Variants in FBRSL1 observed in about 807,000 individuals in gnomAD.
FBRSL1 encodes the protein fibrosin like 1.
Under a neutral mutation model 89.6 loss-of-function variants are expected in FBRSL1, and 51 were observed. The ratio of observed to expected loss-of-function variants is 0.57; its 90% CI spans 0.45 to 0.72. FBRSL1 has a LOEUF of 0.72. FBRSL1 is among the 30% of genes least tolerant of loss of function. The pLI, the probability that FBRSL1 is intolerant of heterozygous loss-of-function variation, is 0.00. For missense variants in FBRSL1, 1,618 were observed against 1,451.8 expected, an observed-to-expected ratio of 1.11 and a Z score of -1.86; for synonymous variants, 779 against 681.1, an observed-to-expected ratio of 1.14 and a Z score of -2.24.
intron 5 of FBRSL1, among the ~76,000 whole-genome samples, chr12:132,562,309 A>G (rs925887222): frequency 6.6e-6 from 1 of 151,378 alleles, no homozygotes; most frequent in Non-Finnish European, 1.5e-5. Flanking sequence ...GTAACAAGCC[A>G]GGATTCTAGG....
chr12:132,566,326 C>G (rs905894908), intron 5 of FBRSL1: 11 of 151,350 alleles, frequency 7.3e-5, no homozygotes, highest in African/African-American at 2.4e-4. Context: ...CTGATCCCAT[C>G]ACCTGGGGGT....
intron 5 of FBRSL1, chr12:132,551,663 G>T: frequency 2.3e-6 from 1 of 443,914 alleles, no homozygotes; most frequent in South Asian, 1.6e-5. Flanking sequence ...CCTCCTCCAC[G>T]TGAACAGACT....
chr12:132,572,452 G>T (rs2040096079), intron 10 of FBRSL1, 75 bp from the exon 11 acceptor site: 11 of 1,494,216 alleles, frequency 7.4e-6, no homozygotes, highest in Non-Finnish European at 7.3e-6. Flanking sequence ...CTGCATTGGT[G>T]CCACCTTCTG....
At chr12:132,518,691 C>G (rs963635739) in intron 2 of FBRSL1, among the ~76,000 whole-genome samples, 1 of 151,334 alleles carries the variant, frequency 6.6e-6, no homozygotes, top group Non-Finnish European at 1.5e-5. Context: ...TCCTTCCATC[C>G]ACCCATCTGT....
chr12:132,492,652 G>A lies in FBRSL1; in HGVS notation c.291+1791G>A, dbSNP rs142567773. ...TGTCCACCTGCTCTGGCAGGGTCAC[G>A]TGCCCCCAGCCTGCAGGCAGTGGGT... On this transcript the variant is annotated intron_variant, in intron 1 of 18. Transcript: ENST00000680143. 2.6e-3 allele frequency among the ~76,000 whole-genome samples: 397 copies of A among 152,370 alleles called. 1 individual carries two copies. The highest frequency in any genetic ancestry group is 9.2e-3 in the African/African-American group (383 of 41,588).
rs926947244 is a variant in FBRSL1 at position 132,583,227 on chromosome 12, G to C, written c.2458G>C (p.Glu820Gln). Residue 820 changes from glutamate to glutamine, a missense_variant, in exon 19 of 19, where the codon GAG (glutamate) becomes CAG (glutamine). Coordinates refer to ENST00000680143, the MANE Select transcript of FBRSL1 (RefSeq NM_001367871.1). ...GDVKVKEERG[E>Q]DEASEPPAGG... ...CGTGAAGGTCAAGGAGGAGCGCGGG[G>C]AGGACGAGGCCTCCGAGCCCCCGGC... 5.1e-5 allele frequency: 72 copies of C among 1,402,292 alleles called. No individual in the cohort carries two copies. In the African/African-American group the frequency reaches 9.4e-4, roughly 18 times the overall value. 86.9% of individuals were successfully genotyped at this position (1,402,292 alleles called of 1,614,324 possible).
intron 4 of FBRSL1, among the ~76,000 whole-genome samples, chr12:132,543,856 A>G (rs1166248056): frequency 6.6e-6 from 1 of 152,202 alleles, no homozygotes; most frequent in Non-Finnish European, 1.5e-5. Context: ...TCTCACACCC[A>G]GCCCGGGATG....
chr12:132,563,847 G>A (rs79829734), intron 5 of FBRSL1, among the ~76,000 whole-genome samples: 644 of 28,102 alleles, frequency 0.023, 6 homozygotes, highest in Admixed American at 0.029. Context: ...GCACCCCTCC[G>A]GCTGACACAT....
chr12:132,533,776 G>A (rs898082372), intron 4 of FBRSL1, among the ~76,000 whole-genome samples: 1 of 152,254 alleles, frequency 6.6e-6, no homozygotes. Flanking sequence ...GGGTTGTGAG[G>A]AGCACGTCAC....
chr12:132,571,759 C>T, intron 9 of FBRSL1: 1 of 350,664 alleles, frequency 2.9e-6, no homozygotes, highest in Non-Finnish European at 5.1e-6. Context: ...GCACCCCGTG[C>T]CCACGTGCAT....
chr12:132,501,795 G>A (rs955284516), intron 1 of FBRSL1, among the ~76,000 whole-genome samples: 6 of 152,146 alleles, frequency 3.9e-5, no homozygotes, highest in Admixed American at 2.0e-4. Flanking sequence ...ATGCAGGGCG[G>A]CTGAGCAGGA....
chr12:132,571,690 C>A (rs982370653), intron 9 of FBRSL1, among the ~76,000 whole-genome samples: 3 of 152,120 alleles, frequency 2.0e-5, no homozygotes, highest in African/African-American at 7.2e-5. Flanking sequence ...TTCTGGTGTC[C>A]CCACCCCAAG....
chr12:132,515,375 C>A (rs2034742811), intron 2 of FBRSL1, among the ~76,000 whole-genome samples: 1 of 152,164 alleles, frequency 6.6e-6, no homozygotes, highest in Admixed American at 6.5e-5. Flanking sequence ...TAGCTTCCAC[C>A]TCCTGAATCT....
At chr12:132,508,895 GGA>G (rs1009134201) in intron 2 of FBRSL1, among the ~76,000 whole-genome samples, 5 of 152,172 alleles carry the variant, frequency 3.3e-5, no homozygotes, top group African/African-American at 1.2e-4. Context: ...CTCCTGCCCA[GGA>G]GGGGCTGTCA....
intron 14 of FBRSL1, 128 bp downstream of exon 14, chr12:132,574,692 C>A: frequency 8.4e-7 from 1 of 1,197,066 alleles, no homozygotes; most frequent in Admixed American, 2.7e-5. Context: ...ACGCGTGAGC[C>A]GCCTGCCCCT....
In FBRSL1 at chr12:132,545,430, G is replaced by A. The variant is rs144907736; in HGVS notation, c.616-2573G>A. ...GACTTAATAACACGAATTCATTCAC[G>A]CCCCTGCCTGCGCCTGGCTGACAGT... On this transcript the variant is annotated intron_variant, in intron 4 of 18. Transcript: ENST00000680143. 1.6e-3 allele frequency among the ~76,000 whole-genome samples: 240 copies of A among 152,308 alleles called. 2 individuals carry two copies. Among genetic ancestry groups the A allele is most frequent in the African/African-American group, 5.3e-3 (220 of 41,570 alleles).
chr12:132,570,863 C>T (rs1001105401), intron 8 of FBRSL1, among the ~76,000 whole-genome samples: 6 of 152,208 alleles, frequency 3.9e-5, no homozygotes, highest in African/African-American at 1.4e-4. Flanking sequence ...AGGAGGGGGC[C>T]GCACATCAAG....
intron 4 of FBRSL1, among the ~76,000 whole-genome samples, chr12:132,536,273 TGGTGTGTGAGTGCATGTGTACATGACGG>T (rs1180776486): frequency 6.0e-5 from 9 of 148,842 alleles, no homozygotes; most frequent in Admixed American, 1.3e-4. Context: ...GTGTACATGA[TGGTGTGTGAGTGCATGTGTACATGACGG>T]GGTGTGTGAG....
At position 132,583,375 on chromosome 12, in the gene FBRSL1, C is replaced by T. The variant is rs1427248441; in HGVS notation, c.2606C>T (p.Ala869Val). The T allele has an allele frequency of 5.5e-6, 6 of 1,100,004 alleles. No homozygotes were observed. Among genetic ancestry groups the T allele is most frequent in the Non-Finnish European group, 5.5e-6 (5 of 902,520 alleles). The allele number at this position is 1,100,004 out of a possible 1,614,324, so 68.1% of individuals were successfully genotyped here. ...CCACGTCGCGCCTTCCCCGCTGCCG[C>T]CCCCGCCCCGGGCTCCGCCGCCCTC... ...ELPRRAFPAAAPAPGSAALLE... is the reference protein window; with the variant it reads ...ELPRRAFPAAVPAPGSAALLE... Residue 869 changes from alanine (A) to valine (V), a missense_variant, in exon 19 of 19, where the codon GCC (alanine) becomes GTC (valine). Ala to Val is a moderately conservative substitution (Grantham distance 64). Coordinates refer to ENST00000680143, the MANE Select transcript of FBRSL1 (RefSeq NM_001367871.1).
Sources: allele counts gnomAD v4.1 joint callset (sites outside exome capture counted in the v4.1 genomes callset), GRCh38; gene constraint gnomAD v4.1.1; transcripts MANE v1.5; gene names NCBI Gene and HGNC (gene_info 2026-07-23, HGNC 2026-07-21).